The following PARD3B variants were observed in gnomAD, a reference collection of about 807,000 sequenced individuals.
PARD3B encodes the protein par-3 family cell polarity regulator beta.
PARD3B carries 103 observed loss-of-function variants against 130.2 expected under a neutral mutation model. That is an observed-to-expected ratio of 0.79 (90% CI 0.67 to 0.93). The LOEUF (loss-of-function observed/expected upper bound fraction) is 0.93. Ranked by LOEUF, PARD3B falls within the 40% of genes least tolerant of loss-of-function variation. The pLI, the probability that PARD3B is intolerant of heterozygous loss-of-function variation, is 0.00. For synonymous variants in PARD3B, 583 were observed against 553.2 expected, an observed-to-expected ratio of 1.05 and a Z score of -0.76; for missense variants, 1,609 against 1,499.2, an observed-to-expected ratio of 1.07 and a Z score of -1.21.
rs1377178999 is a variant in PARD3B, at chr2:205,158,330, A to G, written c.1435-392A>G. 6.6e-6 allele frequency among the ~76,000 whole-genome samples: 1 copy of G among 152,178 alleles called. No homozygotes were observed. The highest frequency in any genetic ancestry group is 1.5e-5 in the Non-Finnish European group (1 of 68,040). On this transcript the variant is annotated intron_variant, in intron 10 of 22. Coordinates refer to ENST00000406610, the MANE Select transcript of PARD3B (RefSeq NM_001302769.2). The surrounding 1 kb of genome is among the most constrained non-coding windows in gnomAD (Gnocchi z 5.4). ...CTCTGTTCCTTCATCTGTAAAGTGA[A>G]GATGTTAAGACTCCATTATCTCTAA...
intron 2 of PARD3B, among the ~76,000 whole-genome samples, chr2:204,952,987 A>G (rs1689907274): frequency 7.3e-6 from 1 of 136,674 alleles, no homozygotes; most frequent in African/African-American, 2.8e-5. Flanking sequence ...ACAGTGCGAG[A>G]CTCAGTCTCA....
chr2:204,719,178 A>G (rs1197749548), intron 2 of PARD3B, among the ~76,000 whole-genome samples: 1 of 152,232 alleles, frequency 6.6e-6, no homozygotes, highest in Non-Finnish European at 1.5e-5. Context: ...GCTTCTAACA[A>G]AACTTTTCGA....
chr2:205,593,496 T>C (rs1263954262), intron 22 of PARD3B, among the ~76,000 whole-genome samples: 1 of 152,216 alleles, frequency 6.6e-6, no homozygotes, highest in Admixed American at 6.5e-5. Context: ...CTTAAATTAA[T>C]TTGCTAAGTA....
At chr2:205,391,277 G>A (rs1280362315) in intron 18 of PARD3B, among the ~76,000 whole-genome samples, 4 of 152,270 alleles carry the variant, frequency 2.6e-5, no homozygotes, top group Non-Finnish European at 4.4e-5. Flanking sequence ...AAATGCGAAG[G>A]CAGTATCTGG....
intron 3 of PARD3B, among the ~76,000 whole-genome samples, chr2:204,979,871 C>A (rs887845967): frequency 2.0e-5 from 3 of 151,964 alleles, no homozygotes. Flanking sequence ...AAATTAATAA[C>A]AAAACAAGCA....
chr2:205,077,309 A>G (rs2125501747), intron 4 of PARD3B, among the ~76,000 whole-genome samples: 1 of 152,252 alleles, frequency 6.6e-6, no homozygotes, highest in East Asian at 1.9e-4. Context: ...TTTTGCTTTT[A>G]TCAGTTTTAT....
intron 20 of PARD3B, among the ~76,000 whole-genome samples, chr2:205,487,438 T>G (rs1173970145): frequency 7.4e-6 from 1 of 135,720 alleles, no homozygotes; most frequent in Non-Finnish European, 1.6e-5. Context: ...GACTGTTCTC[T>G]TCTAACTGAC....
At chr2:205,317,578 A>G (rs950996357) in intron 18 of PARD3B, among the ~76,000 whole-genome samples, 1 of 152,190 alleles carries the variant, frequency 6.6e-6, no homozygotes, top group Non-Finnish European at 1.5e-5. Flanking sequence ...TCCTCAGTTT[A>G]AGGAAAGTGG....
At chr2:205,131,442 A>G (rs565561992) in intron 10 of PARD3B, among the ~76,000 whole-genome samples, 3 of 152,260 alleles carry the variant, frequency 2.0e-5, no homozygotes, top group South Asian at 2.1e-4. Flanking sequence ...TTTTCATTCA[A>G]CCAGTATGTA....
chr2:204,778,043 C>T (rs1222419543), intron 2 of PARD3B, among the ~76,000 whole-genome samples: 1 of 151,774 alleles, frequency 6.6e-6, no homozygotes, highest in South Asian at 2.1e-4. Flanking sequence ...GCCTCCCTAG[C>T]CATGTGGAAC....
chr2:204,901,354 A>T (rs1575254749), intron 2 of PARD3B, among the ~76,000 whole-genome samples: 2 of 152,124 alleles, frequency 1.3e-5, no homozygotes. Context: ...TCCAAAGGTA[A>T]AGTCGTCTCT....
rs571160692 is a variant in PARD3B at position 205,207,444 on chromosome 2, G to T, written c.2140+14124G>T. On this transcript the variant is annotated intron_variant, in intron 15 of 22. Coordinates refer to ENST00000406610, the MANE Select transcript of PARD3B (RefSeq NM_001302769.2). ...GAATCCAAGAGCTGGTTTTTTGAAA[G>T]GATCAACAAAATTGATAGACCGCTA... Among the ~76,000 whole-genome samples the T allele has an allele frequency of 5.4e-5, 8 of 148,338 alleles. No individual in the cohort carries two copies. The East Asian group carries it at 1.6e-3, about 29-fold the overall frequency.
chr2:205,324,330 G>A (rs2042863859), intron 18 of PARD3B, among the ~76,000 whole-genome samples: 1 of 151,996 alleles, frequency 6.6e-6, no homozygotes, highest in African/African-American at 2.4e-5. Context: ...TATAGATAAA[G>A]GTTACCCATA....
chr2:205,319,276 G>A (rs539959143), intron 18 of PARD3B, among the ~76,000 whole-genome samples: 8 of 152,166 alleles, frequency 5.3e-5, no homozygotes, highest in South Asian at 2.1e-4. Context: ...ATCCGCTCCC[G>A]TAGCATTGCC....
At chr2:205,494,611 C>T (rs1241650412) in intron 20 of PARD3B, among the ~76,000 whole-genome samples, 3 of 152,150 alleles carry the variant, frequency 2.0e-5, no homozygotes, top group Non-Finnish European at 4.4e-5. Flanking sequence ...ACTTTGGTTA[C>T]TTCTATTTTT....
In PARD3B at chr2:205,105,791, C is replaced by T. The variant is rs999742892; in HGVS notation, c.593+1277C>T. 7.3e-5 allele frequency among the ~76,000 whole-genome samples: 11 copies of T among 150,782 alleles called. 1 individual carries two copies. In the South Asian group the frequency reaches 8.4e-4, roughly 12 times the overall value. Reference sequence around the variant, plus strand: ...TCTCTCTCTGAAGAAAAAAAAAAGGCGGGGGGATATGGGGTAGGGAGTAAT... The same window carrying T: ...TCTCTCTCTGAAGAAAAAAAAAAGGTGGGGGGATATGGGGTAGGGAGTAAT... On this transcript the variant is annotated intron_variant, in intron 5 of 22. Transcript: ENST00000406610. The surrounding 1 kb of genome is among the most constrained non-coding windows in gnomAD (Gnocchi z 4.0).
chr2:204,726,079 C>G (rs2125328949), intron 2 of PARD3B, among the ~76,000 whole-genome samples: 1 of 152,276 alleles, frequency 6.6e-6, no homozygotes, highest in South Asian at 2.1e-4. Flanking sequence ...TGCGGACCAC[C>G]CATCAGTGGA....
At chr2:204,679,956 G>A (rs1031873604) in intron 1 of PARD3B, among the ~76,000 whole-genome samples, 1 of 151,878 alleles carries the variant, frequency 6.6e-6, no homozygotes, top group African/African-American at 2.4e-5. Flanking sequence ...AAATGTTTAA[G>A]ATTTTTACCT....
At chr2:205,308,779 A>C in intron 18 of PARD3B, among the ~76,000 whole-genome samples, 1 of 152,172 alleles carries the variant, frequency 6.6e-6, no homozygotes, top group East Asian at 1.9e-4. Context: ...GTCAATTTAC[A>C]TGGTGTCAAG....
Sources: allele counts gnomAD v4.1 joint callset (sites outside exome capture counted in the v4.1 genomes callset), GRCh38; gene constraint gnomAD v4.1.1; non-coding constraint Gnocchi (gnomAD v3.1); transcripts MANE v1.5; gene names NCBI Gene and HGNC (gene_info 2026-07-23, HGNC 2026-07-21).